Variants in BPIFB6 observed in about 807,000 individuals in gnomAD.
BPIFB6 encodes the protein BPI fold-containing family B member 6.
Under a neutral mutation model 54.7 loss-of-function variants are expected in BPIFB6, and 47 were observed. The ratio of observed to expected loss-of-function variants is 0.86; its 90% CI spans 0.68 to 1.10. BPIFB6 has a LOEUF of 1.10. Among genes scored for constraint, BPIFB6 ranks in the 50% least tolerant of loss-of-function variants. The pLI, the probability that BPIFB6 is intolerant of heterozygous loss-of-function variation, is 0.00. For synonymous variants in BPIFB6, 255 were observed against 225.9 expected (o/e 1.13, Z -1.16); for missense variants, 603 against 564.1 (o/e 1.07, Z -0.70).
intron 12 of BPIFB6, 55 bp downstream of exon 12, chr20:33,042,070 T>C: frequency 6.4e-7 from 1 of 1,559,222 alleles, no homozygotes; most frequent in Non-Finnish European, 8.8e-7. Context: ...CTGGGCCTAT[T>C]CTCCCTCGGA....
intron 1 of BPIFB6, among the ~76,000 whole-genome samples, chr20:33,032,240 CCCACT>C (rs752439878): frequency 4.6e-5 from 7 of 152,188 alleles, no homozygotes; most frequent in Non-Finnish European, 7.3e-5. Context: ...ACCTCCATCC[CCCACT>C]CCACTAGCAC....
At chr20:33,037,764 A>C in intron 8 of BPIFB6, 26 bp downstream of exon 8, 1 of 1,610,764 alleles carries the variant, frequency 6.2e-7, no homozygotes, top group East Asian at 2.2e-5. Flanking sequence ...CCCCATTTCC[A>C]TCTGCCTCTG....
intron 3 of BPIFB6, 142 bp from the exon 4 acceptor site, chr20:33,034,621 G>A (rs931923941): frequency 2.4e-5 from 23 of 942,938 alleles, no homozygotes; most frequent in Non-Finnish European, 3.7e-5. Context: ...CCTGGGGCAG[G>A]TCCCATCCCC....
At chr20:33,043,515 C>T (rs1438562842) in intron 14 of BPIFB6, 148 bp downstream of exon 14, 15 of 691,200 alleles carry the variant, frequency 2.2e-5, no homozygotes, top group Non-Finnish European at 3.8e-5. Flanking sequence ...GAATCTAGAA[C>T]ACTCCTTGAC....
chr20:33,042,137 G>C, intron 12 of BPIFB6, 122 bp downstream of exon 12: 1 of 957,228 alleles, frequency 1.0e-6, no homozygotes, highest in South Asian at 1.4e-5. Context: ...GCCACTGTGA[G>C]GCGTGGCGCA....
chr20:33,043,501 C>A, intron 14 of BPIFB6, 134 bp downstream of exon 14: 1 of 779,152 alleles, frequency 1.3e-6, no homozygotes, highest in Non-Finnish European at 2.2e-6. Flanking sequence ...AATCCTGCCC[C>A]TCAGAATCTA....
At chr20:33,033,324 G>A (rs754028763) in intron 2 of BPIFB6, 4 of 608,708 alleles carry the variant, frequency 6.6e-6, no homozygotes, top group Non-Finnish European at 1.3e-5. Flanking sequence ...ATTTTGAGGA[G>A]GAAATGAGGT....
chr20:33,038,680 CCAA>C (rs1397703948), intron 8 of BPIFB6, among the ~76,000 whole-genome samples: 5 of 152,198 alleles, frequency 3.3e-5, no homozygotes, highest in Middle Eastern at 6.3e-3. Context: ...GCTTTTTCAT[CCAA>C]CAACATTTTC....
At chr20:33,035,392 G>C (rs920333294) in intron 5 of BPIFB6, among the ~76,000 whole-genome samples, 3 of 152,176 alleles carry the variant, frequency 2.0e-5, no homozygotes, top group African/African-American at 7.2e-5. Flanking sequence ...CCAGTCCCAG[G>C]GAAAGAGTCC....
At chr20:33,041,370 C>T (rs1358552926) in intron 11 of BPIFB6, among the ~76,000 whole-genome samples, 1 of 152,124 alleles carries the variant, frequency 6.6e-6, no homozygotes, top group Non-Finnish European at 1.5e-5. Flanking sequence ...TCTCCTTCTT[C>T]CTCTTGACTT....
chr20:33,035,825 G>A (rs934252215), intron 6 of BPIFB6, among the ~76,000 whole-genome samples, 153 bp downstream of exon 6: 2 of 152,120 alleles, frequency 1.3e-5, no homozygotes, highest in Non-Finnish European at 2.9e-5. Flanking sequence ...CCACTGTCCC[G>A]ATGGGAGGCC....
chr20:33,039,931 C>A (rs200633620), intron 10 of BPIFB6, among the ~76,000 whole-genome samples: 1 of 152,172 alleles, frequency 6.6e-6, no homozygotes, highest in East Asian at 1.9e-4. Context: ...ACCAGGGAGA[C>A]TGGGGACAGA....
downstream of BPIFB6, chr20:33,044,090 C>T: frequency 6.2e-7 from 1 of 1,612,174 alleles, no homozygotes; most frequent in Non-Finnish European, 8.5e-7. Flanking sequence ...TACCACCAAC[C>T]ACCTGCACCC....
chr20:33,036,549 G>T lies in BPIFB6; in HGVS notation c.669+13G>T. 2.5e-6 allele frequency: 4 copies of T among 1,610,196 alleles called. No individual in the cohort carries two copies. The highest frequency in any genetic ancestry group is 3.4e-6 in the Non-Finnish European group (4 of 1,176,370). On this transcript the variant is annotated intron_variant, in intron 7 of 14. Coordinates refer to ENST00000349552, the MANE Select transcript of BPIFB6 (RefSeq NM_174897.2). The stretch of plus-strand genomic sequence containing the variant: ...ACTGGACTTCAGTGTAAGCGCCTAG[G>T]GCCACCTGGGAGCTGGGGTCTCAGG...
intron 4 of BPIFB6, 23 bp from the exon 5 acceptor site, chr20:33,035,058 C>A (rs1239357524): frequency 6.2e-7 from 1 of 1,613,686 alleles, no homozygotes; most frequent in Non-Finnish European, 8.5e-7. Flanking sequence ...GCCCACCTAT[C>A]CTCGGTGCCT....
Position 33,032,990 on chromosome 20 carries a change from A to T in BPIFB6, c.104A>T (p.Gln35Leu). ...RLGMDIMNQV[Q>L]SAMDESHILE... is the part of the protein sequence containing the mutation. Reference sequence around the variant, plus strand: ...CTAAGTGTCTCCACTCCAGAGGTCCAGAGCGCCATGGATGAGAGTCATATC... The same window carrying T: ...CTAAGTGTCTCCACTCCAGAGGTCCTGAGCGCCATGGATGAGAGTCATATC... Residue 35 changes from glutamine to leucine, a missense_variant, in exon 2 of 15, where the codon CAG becomes CTG. Coordinates refer to ENST00000349552, the MANE Select transcript of BPIFB6 (RefSeq NM_174897.2). The T allele has an allele frequency of 6.2e-7, 1 of 1,613,706 alleles. No homozygotes were observed. The highest frequency in any genetic ancestry group is 8.5e-7 in the Non-Finnish European group (1 of 1,179,646).
At chr20:33,042,500 C>A (rs1316549666) in intron 12 of BPIFB6, among the ~76,000 whole-genome samples, 1 of 152,210 alleles carries the variant, frequency 6.6e-6, no homozygotes, top group Non-Finnish European at 1.5e-5. Context: ...AAGTGAGGGA[C>A]TCATCAAAGC....
chr20:33,041,006 T>C (rs1185696483), intron 11 of BPIFB6, among the ~76,000 whole-genome samples: 1 of 139,582 alleles, frequency 7.2e-6, no homozygotes, highest in African/African-American at 3.2e-5. Context: ...TTTTTTTTTT[T>C]TGAGACAGAG....
intron 6 of BPIFB6, among the ~76,000 whole-genome samples, chr20:33,036,179 C>G (rs1227928063): frequency 6.6e-6 from 1 of 152,154 alleles, no homozygotes; most frequent in Admixed American, 6.5e-5. Flanking sequence ...AGCTGATAAT[C>G]CTGACCATGC....
Sources: gnomAD v4.1 joint callset for allele counts (sites outside exome capture counted in the v4.1 genomes callset) on GRCh38, gnomAD v4.1.1 for gene constraint, MANE v1.5 for transcripts, NCBI Gene and HGNC (gene_info 2026-07-23, HGNC 2026-07-21) for gene names.